AK3: variants seen among roughly 807,000 people sequenced by gnomAD.
AK3 encodes the protein GTP:AMP phosphotransferase AK3, mitochondrial.
AK3 carries 27 observed loss-of-function variants against 23.7 expected under a neutral mutation model. That is an observed-to-expected ratio of 1.14 (90% CI 0.84 to 1.57). The LOEUF (loss-of-function observed/expected upper bound fraction) is 1.57, where lower values mean the gene tolerates loss of function less well. Ranked by LOEUF, AK3 falls within the 40% of genes most tolerant of loss-of-function variation. AK3 has a pLI of 0.00. For missense variants in AK3, 406 were observed against 285.6 expected, an observed-to-expected ratio of 1.42 and a Z score of -3.04; for synonymous variants, 159 against 116.0, an observed-to-expected ratio of 1.37 and a Z score of -2.38.
chr9:4,738,617 A>AG (rs566105070), intron 1 of AK3, among the ~76,000 whole-genome samples: 2 of 151,904 alleles, frequency 1.3e-5, no homozygotes, highest in South Asian at 4.1e-4. Context: ...AAAAAGAAAA[A>AG]AAAAGAATAA....
chr9:4,719,782 C>A (rs1841843386), intron 2 of AK3, among the ~76,000 whole-genome samples: 2 of 152,102 alleles, frequency 1.3e-5, no homozygotes, highest in African/African-American at 4.8e-5. Context: ...AATCCAGGGA[C>A]TGGCCGGGCG....
At chr9:4,726,172 G>C (rs1445636594) in intron 1 of AK3, among the ~76,000 whole-genome samples, 2 of 152,178 alleles carry the variant, frequency 1.3e-5, no homozygotes, top group South Asian at 2.1e-4. Context: ...GGAGGGTCTT[G>C]CCTCCATGGC....
intron 1 of AK3, among the ~76,000 whole-genome samples, chr9:4,728,846 T>TAC (rs1329276716): frequency 3.2e-4 from 9 of 28,258 alleles, no homozygotes; most frequent in African/African-American, 7.3e-4. Flanking sequence ...TATATATATA[T>TAC]ATATATATAT....
At chr9:4,715,936 G>A (rs1409428159) in intron 4 of AK3, among the ~76,000 whole-genome samples, 1 of 152,126 alleles carries the variant, frequency 6.6e-6, no homozygotes, top group Non-Finnish European at 1.5e-5. Flanking sequence ...GAGCTAATCG[G>A]TGCCGACCCC....
chr9:4,713,976 T>TACACCTACACATATACACCTACACATA (rs1563780934), intron 4 of AK3, among the ~76,000 whole-genome samples: 1 of 9,834 alleles, frequency 1.0e-4, no homozygotes, highest in Non-Finnish European at 2.2e-4. Context: ...ACCTCCACAT[T>TACACCTACACATATACACCTACACATA]TACACACCTA....
At chr9:4,739,653 CG>C (rs200605347) in intron 1 of AK3, among the ~76,000 whole-genome samples, 3,565 of 152,026 alleles carry the variant, frequency 0.023, 66 homozygotes, top group Middle Eastern at 0.051. Context: ...ACACGTTGGC[CG>C]GGCGCGGTGG....
chr9:4,734,079 T>C (rs148400395), intron 1 of AK3, among the ~76,000 whole-genome samples: 39 of 152,250 alleles, frequency 2.6e-4, no homozygotes, highest in Middle Eastern at 6.8e-3. Flanking sequence ...TATTTGGAAA[T>C]AGGGCTTTAA....
At chr9:4,740,737 C>T (rs575766044) in intron 1 of AK3, among the ~76,000 whole-genome samples, 200 bp downstream of exon 1, 25 of 152,322 alleles carry the variant, frequency 1.6e-4, no homozygotes, top group African/African-American at 5.8e-4. Flanking sequence ...CACCGCCACC[C>T]CATAACCCGC....
At position 4,741,091 on chromosome 9, in the gene AK3, C is replaced by A. The variant is rs747260927; in HGVS notation, c.-4G>T. The stretch of plus-strand genomic sequence containing the variant: ...GCAGCCGCGCGGACGCCCCCATGGC[C>A]GCAGACTGAGGCCCGCACCGCGCGG... On this transcript the variant is annotated 5_prime_UTR_variant, in exon 1 of 5. Coordinates refer to ENST00000381809, the MANE Select transcript of AK3 (RefSeq NM_016282.4). The A allele has an allele frequency of 2.0e-6, 3 of 1,530,762 alleles. No individual in the cohort carries two copies. Among genetic ancestry groups the A allele is most frequent in the Admixed American group, 2.1e-5 (1 of 48,404 alleles). 94.8% of individuals were successfully genotyped at this position (1,530,762 alleles called of 1,614,324 possible).
At position 4,711,951 on chromosome 9, in the gene AK3, G is replaced by C. The variant is rs1429768597; in HGVS notation, c.*1025C>G. 6.6e-6 allele frequency: 1 copy of C among 152,096 alleles called. No individual in the cohort carries two copies. The highest frequency in any genetic ancestry group is 1.9e-4 in the East Asian group (1 of 5,202). The allele number at this position is 152,096 out of a possible 1,614,324, so 9.4% of individuals were successfully genotyped here. ...GTACACCTGTTTACTAATTATGATT[G>C]ATTGCTATTTATGCCAAGGGAGCAT... On this transcript the variant is annotated 3_prime_UTR_variant, in exon 5 of 5. Transcript: ENST00000381809.
At chr9:4,730,959 T>C (rs1842138984) in intron 1 of AK3, among the ~76,000 whole-genome samples, 1 of 148,082 alleles carries the variant, frequency 6.8e-6, no homozygotes, top group African/African-American at 2.5e-5. Flanking sequence ...TCCACTTTGA[T>C]AATTATGGAC....
At chr9:4,737,607 G>A (rs934820294) in intron 1 of AK3, among the ~76,000 whole-genome samples, 1 of 152,160 alleles carries the variant, frequency 6.6e-6, no homozygotes, top group African/African-American at 2.4e-5. Context: ...CCAGCTACCT[G>A]AGTTCGGAAG....
At chr9:4,738,798 C>T (rs1445686847) in intron 1 of AK3, among the ~76,000 whole-genome samples, 1 of 120,946 alleles carries the variant, frequency 8.3e-6, no homozygotes, top group Non-Finnish European at 1.6e-5. Context: ...GACAGGGTAT[C>T]ACTCTGTCTG....
intron 1 of AK3, among the ~76,000 whole-genome samples, chr9:4,736,524 C>T (rs1358237493): frequency 1.3e-5 from 2 of 149,544 alleles, no homozygotes; most frequent in African/African-American, 4.9e-5. Context: ...TCTAATTATG[C>T]AAGCCTATGT....
chr9:4,734,523 T>A (rs949858426), intron 1 of AK3, among the ~76,000 whole-genome samples: 1 of 152,166 alleles, frequency 6.6e-6, no homozygotes, highest in African/African-American at 2.4e-5. Context: ...GACAGATGGA[T>A]GAAGAGATGG....
chr9:4,725,411 G>C (rs1180010844), intron 1 of AK3, among the ~76,000 whole-genome samples: 1 of 151,944 alleles, frequency 6.6e-6, no homozygotes, highest in Non-Finnish European at 1.5e-5. Context: ...AACTAACAAA[G>C]GAAAAAAATA....
intron 1 of AK3, among the ~76,000 whole-genome samples, chr9:4,725,615 CGAAAA>C (rs931547246): frequency 6.6e-6 from 1 of 151,300 alleles, no homozygotes; most frequent in African/African-American, 2.4e-5. Context: ...AAAAAAGAAA[CGAAAA>C]GAAAAGAAGT....
intron 1 of AK3, among the ~76,000 whole-genome samples, chr9:4,723,909 T>A (rs1841961645): frequency 6.6e-6 from 1 of 152,186 alleles, no homozygotes; most frequent in South Asian, 2.1e-4. Context: ...AGGGTCAAGG[T>A]ATATATGAAC....
chr9:4,740,396 G>C (rs1842400252), intron 1 of AK3, among the ~76,000 whole-genome samples: 1 of 152,150 alleles, frequency 6.6e-6, no homozygotes, highest in African/African-American at 2.4e-5. Context: ...ATATCAAAAT[G>C]AGATAATTTT....
Sources: allele counts gnomAD v4.1 joint callset (sites outside exome capture counted in the v4.1 genomes callset), GRCh38; gene constraint gnomAD v4.1.1; transcripts MANE v1.5; gene names NCBI Gene and HGNC (gene_info 2026-07-23, HGNC 2026-07-21).